SKIL: variants seen among roughly 807,000 people sequenced by gnomAD.
The protein encoded by SKIL is ski-like protein.
SKIL carries 20 observed loss-of-function variants against 69.6 expected under a neutral mutation model. The ratio of observed to expected loss-of-function variants is 0.29; its 90% confidence interval spans 0.20 to 0.42. The LOEUF (loss-of-function observed/expected upper bound fraction) is 0.42, where lower values mean the gene tolerates loss of function less well. Among genes scored for constraint, SKIL ranks in the 10% least tolerant of loss-of-function variants. SKIL has a pLI of 1.00. For synonymous variants in SKIL, 310 were observed against 279.9 expected (o/e 1.11, Z -1.08); for missense variants, 745 against 783.1 (o/e 0.95, Z 0.58).
intron 1 of SKIL, chr3:170,358,776 TTGTC>T (rs1736070678): frequency 6.6e-6 from 1 of 152,226 alleles, no homozygotes; most frequent in African/African-American, 2.4e-5. Flanking sequence ...TTTGTGAGGT[TTGTC>T]TGCCTTGTGC....
chr3:170,389,316 C>CTT (rs763858925), intron 4 of SKIL, among the ~76,000 whole-genome samples: 7 of 137,094 alleles, frequency 5.1e-5, no homozygotes, highest in Admixed American at 7.3e-5. Flanking sequence ...TTATTCTTTC[C>CTT]TTTTTTTTTT....
chr3:170,379,277 C>T (rs551158604), intron 2 of SKIL, among the ~76,000 whole-genome samples: 2 of 152,288 alleles, frequency 1.3e-5, no homozygotes, highest in African/African-American at 4.8e-5. Flanking sequence ...TGCGCCTGGC[C>T]ATGGAACCTC....
chr3:170,391,290 C>A, intron 6 of SKIL, 30 bp downstream of exon 6: 1 of 1,240,702 alleles, frequency 8.1e-7, no homozygotes, highest in South Asian at 1.3e-5. Flanking sequence ...TAATGGTGCC[C>A]TTTCAGCATG....
At chr3:170,388,738 G>C (rs1185082247) in intron 4 of SKIL, among the ~76,000 whole-genome samples, 2 of 151,574 alleles carry the variant, frequency 1.3e-5, no homozygotes, top group Non-Finnish European at 2.9e-5. Context: ...CCGTGTTAGT[G>C]TTCTTTGAAG....
In SKIL at chr3:170,390,286, T is replaced by A. The variant is rs1737849048; in HGVS notation, c.1493T>A (p.Val498Asp). 6.2e-7 allele frequency: 1 copy of A among 1,613,336 alleles called. No individual in the cohort carries two copies. Among genetic ancestry groups the A allele is most frequent in the South Asian group, 1.1e-5 (1 of 91,076 alleles). Reference sequence around the variant, plus strand: ...TCTGAGTCTGCCACTTGCAACTTAGTCAGAGACATAAACAAAGTGGGAATT... The same window carrying A: ...TCTGAGTCTGCCACTTGCAACTTAGACAGAGACATAAACAAAGTGGGAATT... ...RKSESATCNL[V>D]RDINKVGIGL... Residue 498 changes from valine to aspartate, a missense_variant, in exon 5 of 7, where the codon GTC becomes GAC. Physicochemically the swap from Val to Asp is radical, Grantham distance 152. Transcript: ENST00000259119.
At chr3:170,387,962 A>G (rs1577444658) in intron 4 of SKIL, among the ~76,000 whole-genome samples, 2 of 147,518 alleles carry the variant, frequency 1.4e-5, no homozygotes, top group South Asian at 4.2e-4. Context: ...AAAAAAGAAT[A>G]ATGCTGCTAT....
chr3:170,385,118 C>T (rs182912920), intron 4 of SKIL: 42 of 177,252 alleles, frequency 2.4e-4, no homozygotes, highest in African/African-American at 9.4e-4. Flanking sequence ...GAGTCTTTAT[C>T]GCCTAGGCTG....
rs1736147120 is a variant in SKIL, at chr3:170,360,103, TTA to T, written c.-228_-227del. On this transcript the variant is annotated 5_prime_UTR_variant, in exon 2 of 7. The change creates a new upstream start codon in the 5' untranslated region. Transcript: ENST00000259119. The stretch of plus-strand genomic sequence containing the variant: ...AGAGGTGTGCCTCTTTTCTTTATTA[TTA>T]GAGGCAAAACGAACAATTTTATAGG... The T allele has an allele frequency of 7.1e-6, 3 of 423,278 alleles. No individual in the cohort carries two copies. The South Asian group carries it at 1.6e-4, about 23-fold the overall frequency. The allele number at this position is 423,278 out of a possible 1,614,324, so 26.2% of individuals were successfully genotyped here.
At chr3:170,365,865 C>T (rs1394240623) in intron 2 of SKIL, among the ~76,000 whole-genome samples, 1 of 150,620 alleles carries the variant, frequency 6.6e-6, no homozygotes, top group African/African-American at 2.5e-5. Flanking sequence ...AAGCGATTCT[C>T]CTGCCTCAGC....
chr3:170,381,327 A>G lies in SKIL; in HGVS notation c.1182A>G (p.Ser394=), dbSNP rs757752735. ...GTGACCATGTTTCTCAGACACATTC[A>G]TTTTTACACCCCAGGTGAGTTGGTA... The part of the protein sequence containing the change: ...QEGDHVSQTH[S]FLHPSYYLYM... The change falls in exon 3 of 7, where the codon TCA becomes TCG. Residue 394 remains serine (S), a synonymous_variant. Coordinates refer to ENST00000259119, the MANE Select transcript of SKIL (RefSeq NM_005414.5). The G allele has an allele frequency of 2.0e-6, 3 of 1,537,386 alleles. No individual in the cohort carries two copies. Among genetic ancestry groups the G allele is most frequent in the African/African-American group, 1.4e-5 (1 of 73,396 alleles).
At position 170,385,847 on chromosome 3, in the gene SKIL, G is replaced by A. The variant is rs1443679116; in HGVS notation, c.1429+1082G>A. 5.3e-5 allele frequency among the ~76,000 whole-genome samples: 8 copies of A among 150,832 alleles called. No individual in the cohort carries two copies. In the East Asian group the frequency reaches 1.6e-3, roughly 29 times the overall value. Reference sequence around the variant, plus strand: ...GAGGAGTTTCACTCTTGTTGCCCAGGCTGGAGTAAAATGGTGAGATCTCAG... The same window carrying A: ...GAGGAGTTTCACTCTTGTTGCCCAGACTGGAGTAAAATGGTGAGATCTCAG... On this transcript the variant is annotated intron_variant, in intron 4 of 6. Transcript: ENST00000259119.
chr3:170,391,411 G>T, intron 6 of SKIL, 151 bp downstream of exon 6: 1 of 577,194 alleles, frequency 1.7e-6, no homozygotes, highest in South Asian at 2.3e-5. Flanking sequence ...TCTGCCTCCC[G>T]GGTTCAAGCA....
rs1238091587 is a variant in SKIL, at chr3:170,394,341, A to G, written c.*1924A>G. 6.6e-6 allele frequency: 1 copy of G among 151,944 alleles called. No homozygotes were observed. Among genetic ancestry groups the G allele is most frequent in the African/African-American group, 2.4e-5 (1 of 41,392 alleles). 9.4% of individuals were successfully genotyped at this position (151,944 alleles called of 1,614,324 possible). A position where few individuals can be genotyped will look rare whatever the true frequency, so the allele number is the denominator to read the frequency against. ...ATGACATATTCTCCCAATACAATCT[A>G]TTTAGATCTGGAGAAGGAAAAATCA... On this transcript the variant is annotated 3_prime_UTR_variant, in exon 7 of 7. Transcript: ENST00000259119.
rs57673933 is a variant in SKIL, at chr3:170,392,152, T to C, written c.1897-107T>C. On this transcript the variant is annotated intron_variant, in intron 6 of 6. Coordinates refer to ENST00000259119, the MANE Select transcript of SKIL (RefSeq NM_005414.5). The stretch of plus-strand genomic sequence containing the variant: ...CTTAATGGATTTAGTATACATGAAA[T>C]AGTTCGTTTTGTAAAAAGTAATTTG... 400 of 828,894 alleles carry C rather than the reference T, an allele frequency of 4.8e-4. No individual in the cohort carries two copies. In the African/African-American group the frequency reaches 6.0e-3, roughly 13 times the overall value. The allele number at this position is 828,894 out of a possible 1,614,324, so 51.3% of individuals were successfully genotyped here. A position where few individuals can be genotyped will look rare whatever the true frequency, so the allele number is the denominator to read the frequency against.
intron 2 of SKIL, among the ~76,000 whole-genome samples, chr3:170,373,354 T>G (rs528262616): frequency 6.6e-6 from 1 of 152,174 alleles, no homozygotes; most frequent in Non-Finnish European, 1.5e-5. Flanking sequence ...TAATTTTATA[T>G]TTTTAGTAGA....
At chr3:170,382,442 T>A (rs1737403063) in intron 3 of SKIL, among the ~76,000 whole-genome samples, 1 of 142,790 alleles carries the variant, frequency 7.0e-6, no homozygotes, top group East Asian at 2.0e-4. Context: ...TGAGACAAAG[T>A]CTCACTGTGT....
At chr3:170,378,495 A>G (rs1164918487) in intron 2 of SKIL, among the ~76,000 whole-genome samples, 3 of 150,822 alleles carry the variant, frequency 2.0e-5, no homozygotes, top group Non-Finnish European at 4.4e-5. Context: ...ACATCAGGCA[A>G]AACAGCTTTG....
At chr3:170,381,877 C>G (rs112071905) in intron 3 of SKIL, among the ~76,000 whole-genome samples, 1 of 151,800 alleles carries the variant, frequency 6.6e-6, no homozygotes, top group African/African-American at 2.4e-5. Flanking sequence ...GTCAGGAGAT[C>G]GAGACCATCC....
intron 1 of SKIL, chr3:170,358,784 C>CT (rs1736071464): frequency 6.6e-6 from 1 of 152,110 alleles, no homozygotes; most frequent in African/African-American, 2.4e-5. Context: ...GTTTGTCTGC[C>CT]TTGTGCTTTT....
Sources: allele counts gnomAD v4.1 joint callset (sites outside exome capture counted in the v4.1 genomes callset), GRCh38; gene constraint gnomAD v4.1.1; transcripts MANE v1.5; gene names NCBI Gene and HGNC (gene_info 2026-07-23, HGNC 2026-07-21).